Variants in CRADD observed in about 807,000 individuals in gnomAD.
The protein encoded by CRADD is CARD and death domain containing adaptor protein.
A neutral mutation model predicts 15.5 loss-of-function variants in CRADD; 9 were observed. The observed-to-expected ratio is 0.58, with a 90% CI of 0.35 to 1.01. The LOEUF is 1.01. Among genes scored for constraint, CRADD ranks in the 50% least tolerant of loss-of-function variants. The pLI, the probability that CRADD is intolerant of heterozygous loss-of-function variation, is 0.02. For missense variants in CRADD, 227 were observed against 250.3 expected (o/e 0.91, Z 0.63); for synonymous variants, 118 against 107.6 (o/e 1.10, Z -0.60).
intron 2 of CRADD, among the ~76,000 whole-genome samples, chr12:93,698,152 C>T (rs971636030): frequency 6.6e-6 from 1 of 152,046 alleles, no homozygotes; most frequent in African/African-American, 2.4e-5. Flanking sequence ...GAGTGACCTG[C>T]CTGCTTATGC....
At chr12:93,889,192 C>G (rs1245337395) in intron 2 of CRADD, among the ~76,000 whole-genome samples, 4 of 152,134 alleles carry the variant, frequency 2.6e-5, no homozygotes, top group Non-Finnish European at 5.9e-5. Flanking sequence ...CTTGTCGGAC[C>G]ATATGCAAGT....
Position 93,786,093 on chromosome 12 carries a change from A to T in CRADD, c.299-63877A>T, listed in dbSNP as rs73363155. ...TGAAGACACGAATGATGTAGGTTTG[A>T]TATAATGGAGGTACAAATCCATGTT... On this transcript the variant is annotated intron_variant, in intron 2 of 2. Coordinates refer to ENST00000332896, the MANE Select transcript of CRADD (RefSeq NM_003805.5). 1.0e-3 allele frequency among the ~76,000 whole-genome samples: 159 copies of T among 152,324 alleles called. 1 individual carries two copies. Among genetic ancestry groups the T allele is most frequent in the African/African-American group, 3.7e-3 (152 of 41,568 alleles).
chr12:93,866,152 G>A (rs936341975), intron 2 of CRADD, among the ~76,000 whole-genome samples: 1 of 152,038 alleles, frequency 6.6e-6, no homozygotes, highest in Non-Finnish European at 1.5e-5. Flanking sequence ...CTGGACACTT[G>A]ATAGGAACTT....
At chr12:93,761,601 T>A (rs1956964246) in intron 2 of CRADD, among the ~76,000 whole-genome samples, 1 of 152,116 alleles carries the variant, frequency 6.6e-6, no homozygotes, top group Non-Finnish European at 1.5e-5. Flanking sequence ...TGTCATCTCA[T>A]TCCCATTATC....
chr12:93,832,556 ATTAC>A (rs1485391755), intron 2 of CRADD, among the ~76,000 whole-genome samples: 3 of 151,612 alleles, frequency 2.0e-5, no homozygotes. Context: ...TATACTCTTT[ATTAC>A]TTAGTAAACA....
chr12:93,685,859 G>T, intron 2 of CRADD, among the ~76,000 whole-genome samples: 1 of 151,824 alleles, frequency 6.6e-6, no homozygotes, highest in East Asian at 1.9e-4. Flanking sequence ...CAGGCGTGGT[G>T]GCAGGCGCCT....
At chr12:93,727,448 A>G (rs1395938960) in intron 2 of CRADD, among the ~76,000 whole-genome samples, 1 of 152,176 alleles carries the variant, frequency 6.6e-6, no homozygotes, top group Non-Finnish European at 1.5e-5. Context: ...TATCCAGGAG[A>G]CACACAGCAG....
At chr12:93,881,000 A>G (rs1958495711) in intron 2 of CRADD, among the ~76,000 whole-genome samples, 1 of 152,250 alleles carries the variant, frequency 6.6e-6, no homozygotes, top group African/African-American at 2.4e-5. Flanking sequence ...TTGAGCATTT[A>G]GCAATTCCTT....
At chr12:93,805,934 C>T (rs1465624308) in intron 2 of CRADD, among the ~76,000 whole-genome samples, 1 of 152,090 alleles carries the variant, frequency 6.6e-6, no homozygotes, top group Non-Finnish European at 1.5e-5. Context: ...ACAGCAAGTC[C>T]CTGAAGGGGG....
chr12:93,713,315 G>A (rs1179089146), intron 2 of CRADD, among the ~76,000 whole-genome samples: 1 of 152,102 alleles, frequency 6.6e-6, no homozygotes, highest in Non-Finnish European at 1.5e-5. Flanking sequence ...GACTTGTGCT[G>A]TTCAATATGG....
rs531128419 is a variant in CRADD at position 93,721,827 on chromosome 12, T to C, written c.298+42755T>C. The stretch of plus-strand genomic sequence containing the variant: ...GGACTACTGTACACATAAGCATACA[T>C]AACCAAATACATTGTTGCCATTATT... On this transcript the variant is annotated intron_variant, in intron 2 of 2. Coordinates refer to ENST00000332896, the MANE Select transcript of CRADD (RefSeq NM_003805.5). Among the ~76,000 whole-genome samples the C allele has an allele frequency of 2.0e-5, 3 of 152,334 alleles. No individual in the cohort carries two copies. The East Asian group carries it at 5.8e-4, about 29-fold the overall frequency.
At chr12:93,797,952 C>G (rs867931471) in intron 2 of CRADD, among the ~76,000 whole-genome samples, 2 of 152,124 alleles carry the variant, frequency 1.3e-5, no homozygotes, top group African/African-American at 4.8e-5. Flanking sequence ...TTCTGTTTTT[C>G]CATTTTAGTT....
At chr12:93,684,493 C>T (rs1234146348) in intron 2 of CRADD, among the ~76,000 whole-genome samples, 7 of 152,116 alleles carry the variant, frequency 4.6e-5, no homozygotes, top group Admixed American at 6.6e-5. Flanking sequence ...CTCTGCGATC[C>T]GGTTCCTAAT....
chr12:93,693,767 C>T (rs55762152), intron 2 of CRADD, among the ~76,000 whole-genome samples: 5,835 of 152,084 alleles, frequency 0.038, 294 homozygotes, highest in African/African-American at 0.11. Context: ...ATTTACAGAA[C>T]ATTCCATCCA....
chr12:93,740,628 A>G (rs181281537), intron 2 of CRADD, among the ~76,000 whole-genome samples: 46 of 152,318 alleles, frequency 3.0e-4, no homozygotes, highest in African/African-American at 1.0e-3. Context: ...CTTAACATCA[A>G]TGCCTACCTA....
Position 93,892,019 on chromosome 12 carries a change from C to A in CRADD, c.299-2031C>A, listed in dbSNP as rs149471809. Among the ~76,000 whole-genome samples the A allele has an allele frequency of 7.5e-4, 115 of 152,326 alleles. 2 individuals are homozygous for A. In the East Asian group the frequency reaches 0.022, roughly 29 times the overall value. ...TGAACAAGATCTCATTTGGTCCCAACAAACCCTGTGAGATAGACAGGTGAG... is the reference window on the plus strand; with the variant it reads ...TGAACAAGATCTCATTTGGTCCCAAAAAACCCTGTGAGATAGACAGGTGAG... On this transcript the variant is annotated intron_variant, in intron 2 of 2. Transcript: ENST00000548483.
chr12:93,843,200 C>T (rs1046227103), intron 2 of CRADD, among the ~76,000 whole-genome samples: 7 of 152,064 alleles, frequency 4.6e-5, no homozygotes, highest in Non-Finnish European at 7.4e-5. Flanking sequence ...CTGATGACCC[C>T]GTCATGTACT....
At chr12:93,888,058 C>T (rs1038635686) in intron 2 of CRADD, among the ~76,000 whole-genome samples, 3 of 152,052 alleles carry the variant, frequency 2.0e-5, no homozygotes, top group African/African-American at 7.2e-5. Context: ...GAAACATGCA[C>T]AAAGGAATAG....
At chr12:93,835,627 C>G (rs1957964477) in intron 2 of CRADD, among the ~76,000 whole-genome samples, 1 of 152,000 alleles carries the variant, frequency 6.6e-6, no homozygotes, top group Non-Finnish European at 1.5e-5. Context: ...GTAAGTTTTG[C>G]CTTTTATCTT....
Sources: allele counts gnomAD v4.1 joint callset (sites outside exome capture counted in the v4.1 genomes callset), GRCh38; gene constraint gnomAD v4.1.1; transcripts MANE v1.5; gene names NCBI Gene and HGNC (gene_info 2026-07-23, HGNC 2026-07-21).